The following SIK2 variants were observed in gnomAD, a reference collection of about 807,000 sequenced individuals.
SIK2 encodes the protein salt inducible kinase 2, also known as serine/threonine-protein kinase SIK2.
A neutral mutation model predicts 103.2 loss-of-function variants in SIK2; 29 were observed. The ratio of observed to expected loss-of-function variants is 0.28; its 90% CI spans 0.21 to 0.38. The LOEUF is 0.38. SIK2 is among the 10% of genes least tolerant of loss of function. SIK2 has a pLI of 1.00. For missense variants in SIK2, 879 were observed against 1,171.0 expected (o/e 0.75, Z 3.64); for synonymous variants, 412 against 446.1 (o/e 0.92, Z 0.96).
intron 3 of SIK2, chr11:111,671,221 A>G: frequency 3.8e-6 from 1 of 264,188 alleles, no homozygotes; most frequent in South Asian, 4.6e-5. Context: ...CTTGCCCTGC[A>G]GCAGCTTGCA....
At chr11:111,720,827 G>T (rs1215045342) in intron 11 of SIK2, 65 bp downstream of exon 11, 1 of 1,577,616 alleles carries the variant, frequency 6.3e-7, no homozygotes, top group African/African-American at 1.4e-5. Flanking sequence ...TGCCATGTTG[G>T]TGTGGTCACC....
Position 111,720,482 on chromosome 11 carries a change from A to T in SIK2, c.1500A>T (p.Lys500Asn), listed in dbSNP as rs750426639. 6.3e-7 allele frequency: 1 copy of T among 1,597,454 alleles called. No individual in the cohort carries two copies. The highest frequency in any genetic ancestry group is 1.1e-5 in the South Asian group (1 of 87,950). Residue 500 changes from lysine (K) to asparagine (N), a missense_variant, in exon 11 of 15, where the codon AAA becomes AAT. Lys to Asn is a moderately conservative substitution (Grantham distance 94). Coordinates refer to ENST00000304987, the MANE Select transcript of SIK2 (RefSeq NM_015191.3). ...NQLVVMPGAGKIFSMNDSPSL... is the reference protein window; with the variant it reads ...NQLVVMPGAGNIFSMNDSPSL... ...CTGTTCTGTTTTCTCTTAAAGGGAA[A>T]ATTTTCTCCATGAATGACAGCCCCT...
At chr11:111,669,076 T>C (rs1942587993) in intron 3 of SIK2, among the ~76,000 whole-genome samples, 1 of 152,236 alleles carries the variant, frequency 6.6e-6, no homozygotes, top group African/African-American at 2.4e-5. Context: ...GAAGGAAATG[T>C]ATAAAATGAA....
In SIK2 at chr11:111,727,555, C is replaced by T. The variant is rs948932223; in HGVS notation, c.*3426C>T. The T allele has an allele frequency of 6.2e-6, 1 of 161,742 alleles. No homozygotes were observed. Among genetic ancestry groups the T allele is most frequent in the Non-Finnish European group, 1.4e-5 (1 of 73,186 alleles). The allele number at this position is 161,742 out of a possible 1,614,324, so 10.0% of individuals were successfully genotyped here. A position where few individuals can be genotyped will look rare whatever the true frequency, so the allele number is the denominator to read the frequency against. The stretch of plus-strand genomic sequence containing the variant: ...CCCCCCTGTAGGAGTATCGGCCTCT[C>T]CCCTGCCCCCTACCCTCTCTCGTGG... On this transcript the variant is annotated 3_prime_UTR_variant, in exon 15 of 15. Coordinates refer to ENST00000304987, the MANE Select transcript of SIK2 (RefSeq NM_015191.3).
chr11:111,667,454 T>C (rs1391518141), intron 3 of SIK2, among the ~76,000 whole-genome samples: 1 of 151,976 alleles, frequency 6.6e-6, no homozygotes, highest in Non-Finnish European at 1.5e-5. Context: ...GTAAGATTTT[T>C]AAATGATACT....
chr11:111,707,246 C>G (rs1055121517), intron 8 of SIK2, among the ~76,000 whole-genome samples: 2 of 152,192 alleles, frequency 1.3e-5, no homozygotes, highest in Non-Finnish European at 2.9e-5. Flanking sequence ...TTAAACATTA[C>G]GCAAGTGAGG....
intron 3 of SIK2, among the ~76,000 whole-genome samples, chr11:111,651,424 T>G (rs564021839): frequency 9.9e-5 from 15 of 152,248 alleles, no homozygotes; most frequent in African/African-American, 2.4e-4. Context: ...AGCAAACTAA[T>G]GCCGGAACAA....
chr11:111,655,596 A>G (rs1381239681), intron 3 of SIK2, among the ~76,000 whole-genome samples: 1 of 152,134 alleles, frequency 6.6e-6, no homozygotes, highest in East Asian at 1.9e-4. Context: ...GGCTTTGACA[A>G]TGGTAATGAT....
Position 111,688,251 on chromosome 11 carries a change from A to G in SIK2, c.478+89A>G, listed in dbSNP as rs1050996298. On this transcript the variant is annotated intron_variant, in intron 4 of 14. Transcript: ENST00000304987. This position sits in a 1 kb window ranked among gnomAD's most constrained non-coding sequence, Gnocchi z 4.2. ...ACAGACCTGCAGGCGCAGATTCAGC[A>G]GCATTTCTACCTGATGACATCAGGC... 4.5e-6 allele frequency: 6 copies of G among 1,331,020 alleles called. No individual in the cohort carries two copies. The highest frequency in any genetic ancestry group is 3.8e-5 in the South Asian group (3 of 79,866). The allele number at this position is 1,331,020 out of a possible 1,614,324, so 82.5% of individuals were successfully genotyped here.
At chr11:111,631,857 G>T (rs1376052606) in intron 3 of SIK2, among the ~76,000 whole-genome samples, 1 of 152,006 alleles carries the variant, frequency 6.6e-6, no homozygotes, top group East Asian at 1.9e-4. Flanking sequence ...CTAGGCTTAC[G>T]CCAAAAGAGC....
intron 3 of SIK2, among the ~76,000 whole-genome samples, chr11:111,644,438 C>T (rs927254371): frequency 2.0e-5 from 3 of 151,544 alleles, no homozygotes; most frequent in Non-Finnish European, 2.9e-5. Context: ...AAATTGTGGC[C>T]GTAAAATACA....
intron 9 of SIK2, among the ~76,000 whole-genome samples, chr11:111,716,565 A>G (rs1050732891): frequency 6.6e-6 from 1 of 152,152 alleles, no homozygotes. Context: ...CGACAGAGTG[A>G]GACTCTGTCT....
chr11:111,624,588 T>G (rs1439792832), intron 3 of SIK2, among the ~76,000 whole-genome samples: 1 of 152,228 alleles, frequency 6.6e-6, no homozygotes, highest in Non-Finnish European at 1.5e-5. Context: ...AAATCCTTAT[T>G]GAAAACCAAT....
chr11:111,727,092 G>A lies in SIK2; in HGVS notation c.*2963G>A. 12 of 1,581,958 alleles carry A rather than the reference G, an allele frequency of 7.6e-6. No homozygotes were observed. Among genetic ancestry groups the A allele is most frequent in the Non-Finnish European group, 1.0e-5 (12 of 1,151,806 alleles). On this transcript the variant is annotated 3_prime_UTR_variant, in exon 15 of 15. Coordinates refer to ENST00000304987, the MANE Select transcript of SIK2 (RefSeq NM_015191.3). ...AAACAGCATGTTAGCCCGACAGGAA[G>A]AGGGGGCCCACTTTCACATTCCCGG...
At chr11:111,710,422 T>C (rs561664544) in intron 8 of SIK2, among the ~76,000 whole-genome samples, 82 of 152,374 alleles carry the variant, frequency 5.4e-4, no homozygotes, top group African/African-American at 1.9e-3. Flanking sequence ...GCCAGTGATA[T>C]TAATATTGGA....
intron 3 of SIK2, among the ~76,000 whole-genome samples, chr11:111,668,952 G>A (rs895909033): frequency 6.6e-6 from 1 of 152,278 alleles, no homozygotes; most frequent in Admixed American, 6.5e-5. Flanking sequence ...TCTAAGATTA[G>A]AGTGGCATCA....
intron 9 of SIK2, among the ~76,000 whole-genome samples, chr11:111,715,698 G>T (rs1308017918): frequency 6.6e-6 from 1 of 151,494 alleles, no homozygotes; most frequent in Non-Finnish European, 1.5e-5. Flanking sequence ...GAGGGCAGAT[G>T]CATAAACCTT....
chr11:111,655,911 A>G (rs1942385407), intron 3 of SIK2, among the ~76,000 whole-genome samples: 1 of 151,912 alleles, frequency 6.6e-6, no homozygotes. Context: ...GACCAGGTGC[A>G]GTGGCTCACA....
intron 3 of SIK2, among the ~76,000 whole-genome samples, chr11:111,628,649 G>C (rs1040065859): frequency 3.3e-5 from 5 of 151,912 alleles, no homozygotes; most frequent in African/African-American, 1.2e-4. Flanking sequence ...CTGGTCTCCA[G>C]CTCCTGGGTT....
Sources: gnomAD v4.1 joint callset for allele counts (sites outside exome capture counted in the v4.1 genomes callset) on GRCh38, gnomAD v4.1.1 for gene constraint, Gnocchi (gnomAD v3.1) non-coding constraint, MANE v1.5 for transcripts, NCBI Gene and HGNC (gene_info 2026-07-23, HGNC 2026-07-21) for gene names.